ADAMTS19: variants seen among roughly 807,000 people sequenced by gnomAD.
ADAMTS19 encodes A disintegrin and metalloproteinase with thrombospondin motifs 19.
A neutral mutation model predicts 153.3 loss-of-function variants in ADAMTS19; 93 were observed. That is an observed-to-expected ratio of 0.61 (90% CI 0.51 to 0.72). The LOEUF (loss-of-function observed/expected upper bound fraction) is 0.72, where lower values mean the gene tolerates loss of function less well. Ranked by LOEUF, ADAMTS19 falls within the 30% of genes least tolerant of loss-of-function variation. ADAMTS19 has a pLI of 0.00. For synonymous variants in ADAMTS19, 600 were observed against 556.6 expected (o/e 1.08, Z -1.10); for missense variants, 1,482 against 1,552.1 (o/e 0.95, Z 0.76).
rs369745442 is a variant in ADAMTS19, at chr5:129,507,952, T to C, written c.748-1125T>C. On this transcript the variant is annotated intron_variant, in intron 2 of 22. Transcript: ENST00000274487. ...GAGGTAGAATATTGGCAGTGGAAGA[T>C]GCAATACTAATAATTCAAACAAATT... Among the ~76,000 whole-genome samples the C allele has an allele frequency of 1.4e-4, 22 of 152,046 alleles. No homozygotes were observed. The South Asian group carries it at 4.6e-3, about 32-fold the overall frequency.
At chr5:129,675,951 C>T (rs1032534444) in intron 16 of ADAMTS19, among the ~76,000 whole-genome samples, 1 of 152,064 alleles carries the variant, frequency 6.6e-6, no homozygotes, top group Non-Finnish European at 1.5e-5. Context: ...TTGCTTGAAC[C>T]CATGAGGCAG....
intron 19 of ADAMTS19, among the ~76,000 whole-genome samples, chr5:129,695,528 TG>T (rs773960434): frequency 2.2e-4 from 33 of 152,150 alleles, no homozygotes; most frequent in Non-Finnish European, 3.8e-4. Context: ...CCTTGGTTAC[TG>T]GAAGTTGGGG....
At chr5:129,629,190 T>C (rs757099303) in intron 10 of ADAMTS19, among the ~76,000 whole-genome samples, 3 of 152,096 alleles carry the variant, frequency 2.0e-5, no homozygotes, top group East Asian at 3.9e-4. Flanking sequence ...AGTGAATCGA[T>C]TGAATAATGG....
intron 15 of ADAMTS19, among the ~76,000 whole-genome samples, chr5:129,660,712 T>C (rs1753782981): frequency 6.6e-6 from 1 of 152,178 alleles, no homozygotes; most frequent in African/African-American, 2.4e-5. Context: ...TAAGTTATGT[T>C]AAAAGCATGT....
At chr5:129,501,855 A>C (rs1475126775) in intron 2 of ADAMTS19, among the ~76,000 whole-genome samples, 1 of 152,154 alleles carries the variant, frequency 6.6e-6, no homozygotes, top group Admixed American at 6.6e-5. Context: ...GAAAAAGAGT[A>C]AAGGTCCATA....
chr5:129,651,075 C>T (rs1040617860), intron 13 of ADAMTS19, among the ~76,000 whole-genome samples: 2 of 152,192 alleles, frequency 1.3e-5, no homozygotes, highest in African/African-American at 4.8e-5. Context: ...ACCTACCCGG[C>T]TTTCCTACTA....
At chr5:129,476,325 CA>C (rs1330230392) in intron 2 of ADAMTS19, among the ~76,000 whole-genome samples, 6 of 152,000 alleles carry the variant, frequency 3.9e-5, no homozygotes, top group African/African-American at 1.5e-4. Flanking sequence ...ATAAGGAATA[CA>C]AAATAGGAAA....
At chr5:129,476,935 TTTA>T (rs1246780834) in intron 2 of ADAMTS19, among the ~76,000 whole-genome samples, 2 of 152,100 alleles carry the variant, frequency 1.3e-5, no homozygotes, top group Non-Finnish European at 2.9e-5. Context: ...GAAGTGAACA[TTTA>T]TAAAGTTCTA....
chr5:129,501,735 T>C (rs1212997982), intron 2 of ADAMTS19, among the ~76,000 whole-genome samples: 1 of 152,128 alleles, frequency 6.6e-6, no homozygotes, highest in Non-Finnish European at 1.5e-5. Flanking sequence ...GAAATTAGCG[T>C]GTGTCCAAGG....
At chr5:129,617,571 G>A (rs980265871) in intron 8 of ADAMTS19, among the ~76,000 whole-genome samples, 4 of 151,998 alleles carry the variant, frequency 2.6e-5, no homozygotes, top group Admixed American at 6.6e-5. Context: ...ACCACAGATG[G>A]AAGAGTCAAG....
At position 129,701,423 on chromosome 5, in the gene ADAMTS19, C is replaced by G; in HGVS notation, c.2990C>G (p.Thr997Ser). Residue 997 changes from threonine to serine, a missense_variant, in exon 20 of 23, where the codon ACT becomes AGT. Physicochemically the swap from Thr to Ser is moderately conservative, Grantham distance 58. Transcript: ENST00000274487. ...MMTEWTPCSR[T>S]CGKGMQSRQV... Reference sequence around the variant, plus strand: ...ACAGAATGGACCCCTTGTTCACGAACTTGTGGAAAAGGAATGCAGAGCAGA... The same window carrying G: ...ACAGAATGGACCCCTTGTTCACGAAGTTGTGGAAAAGGAATGCAGAGCAGA... 1 of 1,614,178 alleles carries G rather than the reference C, an allele frequency of 6.2e-7. No individual in the cohort carries two copies. The highest frequency in any genetic ancestry group is 1.1e-5 in the South Asian group (1 of 91,088).
At chr5:129,556,304 C>T (rs1753309092) in intron 7 of ADAMTS19, among the ~76,000 whole-genome samples, 1 of 152,132 alleles carries the variant, frequency 6.6e-6, no homozygotes. Context: ...CAATGAATGG[C>T]TTACCAGGGT....
intron 7 of ADAMTS19, among the ~76,000 whole-genome samples, chr5:129,574,332 C>A (rs79344317): frequency 6.6e-6 from 1 of 151,788 alleles, no homozygotes; most frequent in African/African-American, 2.4e-5. Flanking sequence ...AACAAATACA[C>A]GTGCAGAACG....
At chr5:129,583,165 A>C (rs945147546) in intron 7 of ADAMTS19, among the ~76,000 whole-genome samples, 1 of 152,104 alleles carries the variant, frequency 6.6e-6, no homozygotes, top group Admixed American at 6.5e-5. Flanking sequence ...TCCTTCACTT[A>C]TGAAGCTTAG....
At chr5:129,561,434 C>A (rs1753510661) in intron 7 of ADAMTS19, among the ~76,000 whole-genome samples, 1 of 151,206 alleles carries the variant, frequency 6.6e-6, no homozygotes, top group East Asian at 1.9e-4. Context: ...GAGGCTGAGG[C>A]AGGAGAATGG....
chr5:129,694,608 T>C, intron 18 of ADAMTS19, 112 bp from the exon 19 acceptor site: 3 of 655,192 alleles, frequency 4.6e-6, no homozygotes, highest in Non-Finnish European at 6.3e-6. Flanking sequence ...AAAATTTAAA[T>C]TATAAAAAAG....
intron 11 of ADAMTS19, among the ~76,000 whole-genome samples, chr5:129,645,573 T>G (rs1302872230): frequency 6.6e-6 from 1 of 152,196 alleles, no homozygotes; most frequent in Non-Finnish European, 1.5e-5. Context: ...TATCCATTTC[T>G]CTTCATCAGC....
intron 6 of ADAMTS19, among the ~76,000 whole-genome samples, chr5:129,542,132 G>A (rs372875675): frequency 7.9e-5 from 12 of 152,094 alleles, no homozygotes; most frequent in East Asian, 7.7e-4. Context: ...ATTTTGATTC[G>A]ATATTCTCAG....
chr5:129,697,525 T>C (rs1204677119), intron 19 of ADAMTS19, among the ~76,000 whole-genome samples: 1 of 152,220 alleles, frequency 6.6e-6, no homozygotes, highest in Non-Finnish European at 1.5e-5. Flanking sequence ...AATGGACATA[T>C]CTTCAGTAAT....
Sources: gnomAD v4.1 joint callset for allele counts (sites outside exome capture counted in the v4.1 genomes callset) on GRCh38, gnomAD v4.1.1 for gene constraint, MANE v1.5 for transcripts, NCBI Gene and HGNC (gene_info 2026-07-23, HGNC 2026-07-21) for gene names.